Variants in GET1 observed in about 807,000 individuals in gnomAD.
The protein encoded by GET1 is guided entry of tail-anchored proteins factor 1.
In GET1, 20 loss-of-function variants were observed where a neutral mutation model predicts 22.6. The observed-to-expected ratio is 0.89, with a 90% CI of 0.62 to 1.29. The LOEUF (loss-of-function observed/expected upper bound fraction) is 1.29, where lower values mean the gene tolerates loss of function less well. Ranked by LOEUF, GET1 falls within the 50% of genes most tolerant of loss-of-function variation. The pLI, the probability that GET1 is intolerant of heterozygous loss-of-function variation, is 0.00. For synonymous variants in GET1, 92 were observed against 83.8 expected (o/e 1.10, Z -0.53); for missense variants, 209 against 219.9 (o/e 0.95, Z 0.31).
downstream of GET1, chr21:39,410,902 A>G (rs747032368): frequency 1.1e-5 from 5 of 471,122 alleles, no homozygotes; most frequent in African/African-American, 8.0e-5. Flanking sequence ...TGCATCTGGA[A>G]GTAAACATGT....
At chr21:39,394,097 A>G (rs1601632419) in intron 4 of GET1, among the ~76,000 whole-genome samples, 1 of 151,860 alleles carries the variant, frequency 6.6e-6, no homozygotes, top group East Asian at 1.9e-4. Flanking sequence ...TGGGAGGCCA[A>G]GGTGGGCGGA....
chr21:39,391,537 C>A, intron 2 of GET1: 116 of 412,608 alleles, frequency 2.8e-4, no homozygotes, highest in Middle Eastern at 7.6e-4. Flanking sequence ...TAAGAGTTTT[C>A]AAAATTAAAG....
chr21:39,424,127 C>T (rs1322781540), intron 1 of GET1, among the ~76,000 whole-genome samples: 2 of 152,088 alleles, frequency 1.3e-5, no homozygotes, highest in African/African-American at 4.8e-5. Flanking sequence ...ATTCTCCTGC[C>T]TCAGCCTCCC....
At position 39,415,848 on chromosome 21, in the gene GET1, C is replaced by A. The variant is rs564136649; in HGVS notation, c.*23+4911C>A. 2.0e-5 allele frequency among the ~76,000 whole-genome samples: 3 copies of A among 152,310 alleles called. No individual in the cohort carries two copies. In the South Asian group the frequency reaches 6.2e-4, roughly 32 times the overall value. On this transcript the variant is annotated intron_variant, in intron 1 of 1. Transcript: ENST00000478273. The stretch of plus-strand genomic sequence containing the variant: ...TCCCACAGTCTCATGCTGCTGACTG[C>A]ATCCCATCCTGAGCATGTTCCTCTC...
chr21:39,428,186 AT>A lies in GET1; in HGVS notation c.*24-42del, dbSNP rs1486861266. On this transcript the variant is annotated intron_variant, in intron 1 of 1. Transcript: ENST00000478273. ...TTACTCCTTACCTTTAGATTGGGAG[AT>A]TTTAGAAACATTATACTTTTTCTTC... 3.2e-6 allele frequency: 5 copies of A among 1,578,184 alleles called. No individual in the cohort carries two copies. In the African/African-American group the frequency reaches 6.8e-5, roughly 22 times the overall value.
chr21:39,398,286 G>T (rs191496874), downstream of GET1, among the ~76,000 whole-genome samples: 151 of 152,256 alleles, frequency 9.9e-4, 2 homozygotes, highest in African/African-American at 3.5e-3. Flanking sequence ...CACCAAGGGG[G>T]CACGTGCCTA....
At chr21:39,391,942 C>A in intron 3 of GET1, 106 bp downstream of exon 3, 2 of 1,095,008 alleles carry the variant, frequency 1.8e-6, no homozygotes, top group Non-Finnish European at 2.8e-6. Context: ...CCACCTTCAG[C>A]TGTCGTGTCG....
rs949531165 is a variant in GET1, at chr21:39,390,688, G to C, written c.103-10G>C. On this transcript the variant is annotated splice_polypyrimidine_tract_variant and intron_variant, in intron 1 of 4. Transcript: ENST00000649170. ...TGGAAGGTGCTGATCCCCGTTGTCC[G>C]CCCTGCCAGATGTCCAGGGTGCTGC... 6.2e-7 allele frequency: 1 copy of C among 1,613,728 alleles called. No homozygotes were observed. The highest frequency in any genetic ancestry group is 8.5e-7 in the Non-Finnish European group (1 of 1,179,870).
chr21:39,397,246 T>C lies in GET1; in HGVS notation c.*307T>C. On this transcript the variant is annotated 3_prime_UTR_variant, in exon 5 of 5. Transcript: ENST00000649170. ...CTGTCACTTGTGATTTGCCCTCTTA[T>C]GTATTTTGGTCATATTGCCAACTGG... 1 of 264,448 alleles carries C rather than the reference T, an allele frequency of 3.8e-6. No homozygotes were observed. The highest frequency in any genetic ancestry group is 7.1e-6 in the Non-Finnish European group (1 of 140,912). 16.4% of individuals were successfully genotyped at this position (264,448 alleles called of 1,614,324 possible).
intron 1 of GET1, chr21:39,425,837 G>C (rs1019058574): frequency 6.6e-6 from 1 of 152,274 alleles, no homozygotes; most frequent in African/African-American, 2.4e-5. Flanking sequence ...ATGGGCACTG[G>C]AGGCTTATAT....
At chr21:39,396,394 G>A (rs979602022) in intron 4 of GET1, among the ~76,000 whole-genome samples, 3 of 152,196 alleles carry the variant, frequency 2.0e-5, no homozygotes, top group Non-Finnish European at 4.4e-5. Flanking sequence ...CGGGTGCGGT[G>A]GCGGGCGCCT....
intron 1 of GET1, chr21:39,387,719 C>A: frequency 1.0e-6 from 1 of 964,380 alleles, no homozygotes; most frequent in Non-Finnish European, 1.2e-6. Flanking sequence ...CCTCATCACG[C>A]AGGCGCTGGT....
downstream of GET1, among the ~76,000 whole-genome samples, chr21:39,408,931 T>C (rs2039583043): frequency 6.6e-6 from 1 of 152,206 alleles, no homozygotes; most frequent in South Asian, 2.1e-4. Context: ...ATTTGAATAA[T>C]TTGCTACTCA....
intron 2 of GET1, chr21:39,391,563 T>A: frequency 1.6e-5 from 8 of 493,110 alleles, no homozygotes; most frequent in Non-Finnish European, 2.1e-5. Flanking sequence ...CAAATCTCAA[T>A]CTGAGTCGGA....
Position 39,424,712 on chromosome 21 carries a change from G to A in GET1, c.*24-3520G>A, listed in dbSNP as rs377105453. 3.9e-5 allele frequency among the ~76,000 whole-genome samples: 6 copies of A among 152,136 alleles called. No homozygotes were observed. In the East Asian group the frequency reaches 5.8e-4, roughly 15 times the overall value. ...GAGTCTATCTGTTTATACAGATACC[G>A]ATTTTCCATCTCTCAATAAATCCAA... On this transcript the variant is annotated intron_variant, in intron 1 of 1. Transcript: ENST00000478273.
chr21:39,410,311 T>C (rs775425728), downstream of GET1: 1 of 1,611,452 alleles, frequency 6.2e-7, no homozygotes, highest in Non-Finnish European at 8.5e-7. Context: ...CCCTGGTGTC[T>C]CATACTTGTG....
At chr21:39,428,526 T>G in exon 2 of GET1, 4 of 1,270,150 alleles carry the variant, frequency 3.1e-6, no homozygotes, top group Non-Finnish European at 2.1e-6. Flanking sequence ...AAGTAAAACC[T>G]AATAAAAGTA....
At chr21:39,407,187 A>G (rs749577871), downstream of GET1, among the ~76,000 whole-genome samples, 7 of 152,250 alleles carry the variant, frequency 4.6e-5, no homozygotes, top group Non-Finnish European at 5.9e-5. Flanking sequence ...TGACTGTGCC[A>G]CTGCATACCA....
At chr21:39,398,779 A>G (rs1157903717), downstream of GET1, among the ~76,000 whole-genome samples, 1 of 151,648 alleles carries the variant, frequency 6.6e-6, no homozygotes, top group African/African-American at 2.4e-5. Flanking sequence ...ACGCCCAGCT[A>G]ATTTTTGTAT....
Sources: gnomAD v4.1 joint callset for allele counts (sites outside exome capture counted in the v4.1 genomes callset) on GRCh38, gnomAD v4.1.1 for gene constraint, MANE v1.5 for transcripts, NCBI Gene and HGNC (gene_info 2026-07-23, HGNC 2026-07-21) for gene names.